Variants in JAKMIP1 observed in about 807,000 individuals in gnomAD.
The protein encoded by JAKMIP1 is janus kinase and microtubule-interacting protein 1.
A neutral mutation model predicts 113.0 loss-of-function variants in JAKMIP1; 33 were observed. The ratio of observed to expected loss-of-function variants is 0.29; its 90% CI spans 0.22 to 0.39. JAKMIP1 has a LOEUF of 0.39. Ranked by LOEUF, JAKMIP1 falls within the 10% of genes least tolerant of loss-of-function variation. The pLI is 1.00. For missense variants in JAKMIP1, 813 were observed against 1,080.5 expected (o/e 0.75, Z 3.47); for synonymous variants, 480 against 459.9 (o/e 1.04, Z -0.56).
intron 3 of JAKMIP1, among the ~76,000 whole-genome samples, chr4:6,104,138 T>C (rs891066337): frequency 1.3e-5 from 2 of 152,230 alleles, no homozygotes; most frequent in East Asian, 3.8e-4. Context: ...TGAAATGCGG[T>C]CTACAATGAT....
In JAKMIP1 at chr4:6,178,547, G is replaced by A. The variant is rs1278723296; in HGVS notation, c.-148+21706C>T. On this transcript the variant is annotated intron_variant, in intron 1 of 20. Coordinates refer to ENST00000409021, the MANE Select transcript of JAKMIP1 (RefSeq NM_001099433.2). The surrounding 1 kb of genome is among the most constrained non-coding windows in gnomAD (Gnocchi z 5.5). ...AAGTAGGTGGTTTTCTGATGATATT[G>A]GAAGCATTTCATGAACCGGGATATT... is the stretch of plus-strand genomic sequence containing the variant. Among the ~76,000 whole-genome samples the A allele has an allele frequency of 1.3e-5, 2 of 152,076 alleles. No homozygotes were observed. Among genetic ancestry groups the A allele is most frequent in the African/African-American group, 2.4e-5 (1 of 41,400 alleles).
intron 1 of JAKMIP1, among the ~76,000 whole-genome samples, chr4:6,191,426 C>A (rs886785066): frequency 1.3e-4 from 20 of 152,228 alleles, no homozygotes; most frequent in Non-Finnish European, 7.3e-5. Flanking sequence ...TCCCCTCCCC[C>A]AGAACGTAAG....
rs1021582839 is a variant in JAKMIP1 at position 6,193,371 on chromosome 4, C to G, written c.-148+6882G>C. On this transcript the variant is annotated intron_variant, in intron 1 of 20. Transcript: ENST00000409021. This position sits in a 1 kb window ranked among gnomAD's most constrained non-coding sequence, Gnocchi z 6.4. ...TTACCTTGTGATCGGTGAGTCAATT[C>G]TCCTTAATAAACTCCTTTTCATATA... 1.3e-5 allele frequency among the ~76,000 whole-genome samples: 2 copies of G among 152,162 alleles called. No individual in the cohort carries two copies. The highest frequency in any genetic ancestry group is 4.8e-5 in the African/African-American group (2 of 41,442).
In JAKMIP1 at chr4:6,132,647, T is replaced by TAAAAAA. The variant is rs71646639; in HGVS notation, c.-147-19656_-147-19651dup. 9.4e-3 allele frequency among the ~76,000 whole-genome samples: 1,105 copies of TAAAAAA among 117,948 alleles called. 12 individuals are homozygous for TAAAAAA. Among genetic ancestry groups the TAAAAAA allele is most frequent in the African/African-American group, 0.028 (1,009 of 36,292 alleles). The allele number at this position is 117,948 out of a possible 152,430, so 77.4% of individuals were successfully genotyped here. ...ACAGAGCCAGACATTGCCTCAAAAA[T>TAAAAAA]AAAAAAAAAAAAAAAGAAAGCAGAA... On this transcript the variant is annotated intron_variant, in intron 1 of 20. Transcript: ENST00000409021.
rs1251457914 is a variant in JAKMIP1, at chr4:6,059,731, T to C, written c.1644+693A>G. Among the ~76,000 whole-genome samples the C allele has an allele frequency of 6.6e-6, 1 of 152,030 alleles. No individual in the cohort carries two copies. The highest frequency in any genetic ancestry group is 1.5e-5 in the Non-Finnish European group (1 of 68,016). ...ACAGGAGTGTGAACAGAATACACCT[T>C]GTCACATGGAGCCAGGGAGACGTTC... On this transcript the variant is annotated intron_variant, in intron 11 of 20. Coordinates refer to ENST00000409021, the MANE Select transcript of JAKMIP1 (RefSeq NM_001099433.2). This position sits in a 1 kb window ranked among gnomAD's most constrained non-coding sequence, Gnocchi z 4.8.
rs375543178 is a variant in JAKMIP1 at position 6,050,572 on chromosome 4, C to T, written c.1908+6G>A. ...ATTCAGCAGAGGCACCCCCCAGGCA[C>T]GCTACCTTAACTCCTTCCTGGTGAC... On this transcript the variant is annotated splice_donor_region_variant and intron_variant, in intron 14 of 20. Coordinates refer to ENST00000409021, the MANE Select transcript of JAKMIP1 (RefSeq NM_001099433.2). The surrounding 1 kb of genome is among the most constrained non-coding windows in gnomAD (Gnocchi z 7.4). The T allele has an allele frequency of 1.9e-5, 29 of 1,558,906 alleles. No individual in the cohort carries two copies. Among genetic ancestry groups the T allele is most frequent in the African/African-American group, 8.2e-5 (6 of 73,484 alleles).
rs1355022462 is a variant in JAKMIP1, at chr4:6,141,504, C to A, written c.-147-28507G>T. Reference sequence around the variant, plus strand: ...ACAAAAAACAAAGTGGTAGATGAAACCCTTCCTGGGTTGCTGCTTTACAAA... The same window carrying A: ...ACAAAAAACAAAGTGGTAGATGAAAACCTTCCTGGGTTGCTGCTTTACAAA... On this transcript the variant is annotated intron_variant, in intron 1 of 20. Transcript: ENST00000409021. The surrounding 1 kb of genome is among the most constrained non-coding windows in gnomAD (Gnocchi z 9.4). Among the ~76,000 whole-genome samples, 1 of 152,114 alleles carries A rather than the reference C, an allele frequency of 6.6e-6. No individual in the cohort carries two copies. The highest frequency in any genetic ancestry group is 6.5e-5 in the Admixed American group (1 of 15,276).
In JAKMIP1 at chr4:6,080,984, T is replaced by TACACACC. The variant is rs1553821432; in HGVS notation, c.1101+624_1101+625insGGTGTGT. Reference sequence around the variant, plus strand: ...GGAGAGGACTTCACACAACAGCAATTACACACACACACACACACACACACA... The same window carrying TACACACC: ...GGAGAGGACTTCACACAACAGCAATTACACACCACACACACACACACACACACACACA... On this transcript the variant is annotated intron_variant, in intron 6 of 20. Coordinates refer to ENST00000409021, the MANE Select transcript of JAKMIP1 (RefSeq NM_001099433.2). This position sits in a 1 kb window ranked among gnomAD's most constrained non-coding sequence, Gnocchi z 6.0. Among the ~76,000 whole-genome samples, 102 of 141,068 alleles carry TACACACC rather than the reference T, an allele frequency of 7.2e-4. 1 individual carries two copies. The highest frequency in any genetic ancestry group is 2.7e-3 in the African/African-American group (97 of 36,144). The allele number at this position is 141,068 out of a possible 152,430, so 92.5% of individuals were successfully genotyped here. A position where few individuals can be genotyped will look rare whatever the true frequency, so the allele number is the denominator to read the frequency against.
chr4:6,072,760 T>C (rs1719148195), intron 8 of JAKMIP1, among the ~76,000 whole-genome samples: 1 of 151,454 alleles, frequency 6.6e-6, no homozygotes, highest in South Asian at 2.1e-4. Context: ...CAAACAACCA[T>C]GAAGGAAAAA....
At chr4:6,036,676 G>T (rs551375121) in intron 18 of JAKMIP1, among the ~76,000 whole-genome samples, 37 of 152,318 alleles carry the variant, frequency 2.4e-4, no homozygotes, top group African/African-American at 8.9e-4. Context: ...GGGGATCCTT[G>T]TGAAAGCTGA....
chr4:6,169,270 G>C (rs562521511), intron 1 of JAKMIP1, among the ~76,000 whole-genome samples: 1 of 152,180 alleles, frequency 6.6e-6, no homozygotes, highest in Non-Finnish European at 1.5e-5. Flanking sequence ...CAGGTGTCAT[G>C]AGTTAGGAGG....
rs1722597773 is a variant in JAKMIP1 at position 6,094,932 on chromosome 4, T to C, written c.625-9303A>G. 6.6e-6 allele frequency among the ~76,000 whole-genome samples: 1 copy of C among 151,698 alleles called. No homozygotes were observed. The highest frequency in any genetic ancestry group is 2.4e-5 in the African/African-American group (1 of 41,224). On this transcript the variant is annotated intron_variant, in intron 3 of 20. Transcript: ENST00000409021. This position sits in a 1 kb window ranked among gnomAD's most constrained non-coding sequence, Gnocchi z 4.2. ...CTGGAAGGTAGAGGCTGCAGTGAGC[T>C]GTGATTGCACCACTGCACTCCAGCC...
rs549827814 is a variant in JAKMIP1, at chr4:6,051,372, G to A, written c.1807-693C>T. ...CAAGTAGCTGGGATTACAGGCACGCGCCACCACACCGGGCTAATTTTGTAT... is the reference window on the plus strand; with the variant it reads ...CAAGTAGCTGGGATTACAGGCACGCACCACCACACCGGGCTAATTTTGTAT... On this transcript the variant is annotated intron_variant, in intron 13 of 20. Coordinates refer to ENST00000409021, the MANE Select transcript of JAKMIP1 (RefSeq NM_001099433.2). The surrounding 1 kb of genome is among the most constrained non-coding windows in gnomAD (Gnocchi z 5.0). Among the ~76,000 whole-genome samples the A allele has an allele frequency of 3.9e-4, 59 of 152,208 alleles. No homozygotes were observed. The South Asian group carries it at 5.8e-3, about 15-fold the overall frequency.
At chr4:6,123,164 T>A (rs1324642165) in intron 1 of JAKMIP1, among the ~76,000 whole-genome samples, 1 of 152,234 alleles carries the variant, frequency 6.6e-6, no homozygotes, top group Non-Finnish European at 1.5e-5. Flanking sequence ...CACACCTATC[T>A]TGAGGTTGTA....
rs1466224737 is a variant in JAKMIP1 at position 6,059,415 on chromosome 4, C to T, written c.1644+1009G>A. On this transcript the variant is annotated intron_variant, in intron 11 of 20. Coordinates refer to ENST00000409021, the MANE Select transcript of JAKMIP1 (RefSeq NM_001099433.2). This position sits in a 1 kb window ranked among gnomAD's most constrained non-coding sequence, Gnocchi z 4.8. ...TAAGCCGCCTGGAACCTCTTACACC[C>T]CTTGCTTCACACCCGCCTCCTCCCA... Among the ~76,000 whole-genome samples the T allele has an allele frequency of 1.3e-5, 2 of 152,160 alleles. No homozygotes were observed. Among genetic ancestry groups the T allele is most frequent in the Non-Finnish European group, 2.9e-5 (2 of 68,034 alleles).
chr4:6,047,482 G>T (rs1036111624), intron 16 of JAKMIP1, among the ~76,000 whole-genome samples: 8 of 152,214 alleles, frequency 5.3e-5, no homozygotes, highest in Middle Eastern at 3.2e-3. Context: ...ATAGCCACCA[G>T]CCGGCCAGGT....
intron 3 of JAKMIP1, among the ~76,000 whole-genome samples, chr4:6,098,306 G>A (rs1056042464): frequency 3.9e-5 from 6 of 152,198 alleles, no homozygotes; most frequent in Non-Finnish European, 5.9e-5. Context: ...AGTGGCAGGC[G>A]CCTGTAATCC....
chr4:6,071,959 C>T (rs1578153147), intron 8 of JAKMIP1, among the ~76,000 whole-genome samples: 1 of 152,188 alleles, frequency 6.6e-6, no homozygotes, highest in Non-Finnish European at 1.5e-5. Flanking sequence ...AACTCTGAAC[C>T]CCAGTTCACT....
intron 1 of JAKMIP1, among the ~76,000 whole-genome samples, chr4:6,134,569 G>C (rs1402835416): frequency 6.6e-6 from 1 of 152,148 alleles, no homozygotes; most frequent in African/African-American, 2.4e-5. Flanking sequence ...CATACCAATA[G>C]TTCCTCAAGC....
Sources: allele counts gnomAD v4.1 joint callset (sites outside exome capture counted in the v4.1 genomes callset), GRCh38; gene constraint gnomAD v4.1.1; non-coding constraint Gnocchi (gnomAD v3.1); transcripts MANE v1.5; gene names NCBI Gene and HGNC (gene_info 2026-07-23, HGNC 2026-07-21).